SLC39A12: variants seen among roughly 807,000 people sequenced by gnomAD.
The protein encoded by SLC39A12 is solute carrier family 39 member 12.
A neutral mutation model predicts 71.1 loss-of-function variants in SLC39A12; 63 were observed. The ratio of observed to expected loss-of-function variants is 0.89; its 90% CI spans 0.72 to 1.09. The LOEUF is 1.09. Among genes scored for constraint, SLC39A12 ranks in the 50% least tolerant of loss-of-function variants. The probability of loss-of-function intolerance (pLI) is 0.00; values close to 1 mark genes in which losing one functional copy is unlikely to be tolerated. For synonymous variants in SLC39A12, 351 were observed against 301.3 expected (o/e 1.16, Z -1.71); for missense variants, 892 against 812.6 (o/e 1.10, Z -1.19).
intron 12 of SLC39A12, among the ~76,000 whole-genome samples, chr10:18,030,751 A>G (rs1836823643): frequency 6.8e-6 from 1 of 147,216 alleles, no homozygotes. Flanking sequence ...CTAACTCGTC[A>G]TCTAGCATTA....
chr10:18,026,442 T>C (rs1772336925), intron 12 of SLC39A12, among the ~76,000 whole-genome samples: 1 of 152,032 alleles, frequency 6.6e-6, no homozygotes, highest in African/African-American at 2.4e-5. Flanking sequence ...TCTTTAAAGG[T>C]GAGATATTTT....
intron 12 of SLC39A12, among the ~76,000 whole-genome samples, chr10:18,036,775 TATATATATA>T (rs1837047944): frequency 1.8e-4 from 4 of 22,278 alleles, no homozygotes; most frequent in South Asian, 1.3e-3. Context: ...TATATATATA[TATATATATA>T]TATATATATA....
chr10:17,972,796 G>C (rs377587463), intron 4 of SLC39A12, among the ~76,000 whole-genome samples: 40 of 151,720 alleles, frequency 2.6e-4, no homozygotes, highest in East Asian at 2.5e-3. Flanking sequence ...TATTCTGCTA[G>C]TCTGTGTCTT....
At chr10:17,991,981 A>G (rs1835560660) in intron 8 of SLC39A12, among the ~76,000 whole-genome samples, 1 of 148,496 alleles carries the variant, frequency 6.7e-6, no homozygotes, top group South Asian at 2.2e-4. Context: ...CCCAGGTACT[A>G]GGGAGGCTGA....
chr10:17,981,263 A>C (rs762746559), intron 5 of SLC39A12, 49 bp from the exon 6 acceptor site: 1 of 1,497,204 alleles, frequency 6.7e-7, no homozygotes, highest in South Asian at 1.3e-5. Flanking sequence ...TGGAGAATCT[A>C]GTTTAAATAT....
At chr10:17,980,358 G>A (rs1321733654) in intron 5 of SLC39A12, among the ~76,000 whole-genome samples, 1 of 152,028 alleles carries the variant, frequency 6.6e-6, no homozygotes, top group African/African-American at 2.4e-5. Flanking sequence ...TCTATACAGT[G>A]TGGCAAACCA....
chr10:17,995,854 G>T, intron 10 of SLC39A12, 132 bp downstream of exon 10: 2 of 683,930 alleles, frequency 2.9e-6, no homozygotes, highest in Non-Finnish European at 4.6e-6. Flanking sequence ...CTTTGCAATA[G>T]GATTTGTAAT....
At chr10:18,031,443 C>T (rs1286156037) in intron 12 of SLC39A12, among the ~76,000 whole-genome samples, 1 of 130,088 alleles carries the variant, frequency 7.7e-6, no homozygotes, top group East Asian at 2.2e-4. Context: ...GCATAAATGT[C>T]TTCTTTTGAG....
At chr10:18,030,427 G>A (rs1469565637) in intron 12 of SLC39A12, among the ~76,000 whole-genome samples, 1 of 151,530 alleles carries the variant, frequency 6.6e-6, no homozygotes, top group East Asian at 1.9e-4. Context: ...TTTTAGTAGA[G>A]ACGGGGTTTC....
chr10:17,982,033 C>T (rs1316285695), intron 6 of SLC39A12, among the ~76,000 whole-genome samples: 1 of 152,088 alleles, frequency 6.6e-6, no homozygotes, highest in African/African-American at 2.4e-5. Flanking sequence ...GCAGTGATAT[C>T]CTATAGGGCT....
At chr10:17,977,264 A>G (rs1419091960) in intron 4 of SLC39A12, among the ~76,000 whole-genome samples, 1 of 151,056 alleles carries the variant, frequency 6.6e-6, no homozygotes, top group African/African-American at 2.4e-5. Flanking sequence ...ATTTCCTTTA[A>G]AGTCTGTATT....
At chr10:17,971,623 A>G (rs75566518) in intron 4 of SLC39A12, among the ~76,000 whole-genome samples, 1 of 152,032 alleles carries the variant, frequency 6.6e-6, no homozygotes, top group Admixed American at 6.6e-5. Flanking sequence ...TTATTGGCGT[A>G]TGGTTACTCA....
intron 3 of SLC39A12, 90 bp from the exon 4 acceptor site, chr10:17,965,393 C>T: frequency 1.7e-6 from 2 of 1,166,956 alleles, no homozygotes; most frequent in South Asian, 1.4e-5. Flanking sequence ...AAAACAATTC[C>T]TTATCCCTTT....
rs144549707 is a variant in SLC39A12 at position 18,014,792 on chromosome 10, A to G, written c.1947+11434A>G. Reference sequence around the variant, plus strand: ...ATTTCCTTAAAGTTTGTGATAGTGAATGCCAGGTACAAACTGCCTTGCTTG... The same window carrying G: ...ATTTCCTTAAAGTTTGTGATAGTGAGTGCCAGGTACAAACTGCCTTGCTTG... On this transcript the variant is annotated intron_variant, in intron 12 of 12. Transcript: ENST00000377369. 3.7e-3 allele frequency among the ~76,000 whole-genome samples: 558 copies of G among 152,330 alleles called. 2 individuals carry two copies. Among genetic ancestry groups the G allele is most frequent in the African/African-American group, 0.013 (529 of 41,578 alleles).
rs962972641 is a variant in SLC39A12, at chr10:18,031,303, G to A, written c.1948-11402G>A. Reference sequence around the variant, plus strand: ...TTCCTATTTCTCCACATCCTCTCCAGCACCTGTTGTTTCCTGACTGTTTAA... The same window carrying A: ...TTCCTATTTCTCCACATCCTCTCCAACACCTGTTGTTTCCTGACTGTTTAA... On this transcript the variant is annotated intron_variant, in intron 12 of 12. Transcript: ENST00000377369. Among the ~76,000 whole-genome samples, 120 of 143,772 alleles carry A rather than the reference G, an allele frequency of 8.3e-4. 2 individuals are homozygous for A. The highest frequency in any genetic ancestry group is 3.0e-3 in the African/African-American group (117 of 39,364). The allele number at this position is 143,772 out of a possible 152,430, so 94.3% of individuals were successfully genotyped here.
At chr10:18,039,758 C>G (rs1837167722) in intron 12 of SLC39A12, among the ~76,000 whole-genome samples, 1 of 152,100 alleles carries the variant, frequency 6.6e-6, no homozygotes, top group African/African-American at 2.4e-5. Flanking sequence ...TGGAAAATTC[C>G]CATGTATGTA....
chr10:18,040,713 G>C (rs1837199159), intron 12 of SLC39A12, among the ~76,000 whole-genome samples: 1 of 149,098 alleles, frequency 6.7e-6, no homozygotes, highest in South Asian at 2.1e-4. Flanking sequence ...AGGTTGCAGT[G>C]AGCCGAGATC....
intron 12 of SLC39A12, among the ~76,000 whole-genome samples, chr10:18,030,695 G>C (rs1279666430): frequency 6.7e-6 from 1 of 149,844 alleles, no homozygotes; most frequent in Non-Finnish European, 1.5e-5. Context: ...CATTGTGCAG[G>C]TTAGTTACAT....
At chr10:18,012,781 G>C (rs1323165855) in intron 12 of SLC39A12, among the ~76,000 whole-genome samples, 3 of 148,730 alleles carry the variant, frequency 2.0e-5, no homozygotes, top group Non-Finnish European at 4.4e-5. Flanking sequence ...CAGGAGAATT[G>C]CTTGAACCCA....
Sources: gnomAD v4.1 joint callset for allele counts (sites outside exome capture counted in the v4.1 genomes callset) on GRCh38, gnomAD v4.1.1 for gene constraint, MANE v1.5 for transcripts, NCBI Gene and HGNC (gene_info 2026-07-23, HGNC 2026-07-21) for gene names.